ZNF438: variants seen among roughly 807,000 people sequenced by gnomAD.
ZNF438 encodes zinc finger protein 438.
ZNF438 carries 25 observed loss-of-function variants against 38.0 expected under a neutral mutation model. The ratio of observed to expected loss-of-function variants is 0.66; its 90% CI spans 0.48 to 0.92. The LOEUF (loss-of-function observed/expected upper bound fraction) is 0.92. Among genes scored for constraint, ZNF438 ranks in the 40% least tolerant of loss-of-function variants. The probability of loss-of-function intolerance (pLI) is 0.00; values close to 1 mark genes in which losing one functional copy is unlikely to be tolerated. For missense variants in ZNF438, 1,007 were observed against 999.6 expected (o/e 1.01, Z -0.10); for synonymous variants, 372 against 364.1 (o/e 1.02, Z -0.25).
intron 2 of ZNF438, among the ~76,000 whole-genome samples, chr10:30,934,049 G>C (rs1018315398): frequency 2.6e-5 from 4 of 152,020 alleles, no homozygotes; most frequent in Non-Finnish European, 5.9e-5. Context: ...GGGAGGCTGA[G>C]GCAAGAGAAT....
intron 4 of ZNF438, among the ~76,000 whole-genome samples, chr10:30,859,525 GA>G (rs951477567): frequency 3.3e-5 from 5 of 152,180 alleles, no homozygotes; most frequent in African/African-American, 1.2e-4. Flanking sequence ...ATCTTCAGTA[GA>G]AAGACTGTGT....
chr10:30,897,434 G>A (rs150084984), intron 3 of ZNF438, among the ~76,000 whole-genome samples: 1 of 152,144 alleles, frequency 6.6e-6, no homozygotes, highest in Non-Finnish European at 1.5e-5. Flanking sequence ...CTTAGTATTA[G>A]CAGCTGACAA....
chr10:30,879,568 T>G (rs767620639), intron 3 of ZNF438, among the ~76,000 whole-genome samples: 3 of 152,172 alleles, frequency 2.0e-5, no homozygotes, highest in Non-Finnish European at 2.9e-5. Context: ...ACAAGGACAT[T>G]AAGTGTGTAA....
intron 4 of ZNF438, among the ~76,000 whole-genome samples, chr10:30,859,293 G>C (rs1445104218): frequency 6.6e-6 from 1 of 152,070 alleles, no homozygotes; most frequent in African/African-American, 2.4e-5. Context: ...TTCCAGGCTG[G>C]TCTTGAACTC....
intron 1 of ZNF438, among the ~76,000 whole-genome samples, chr10:30,981,145 G>C (rs1199749511): frequency 6.6e-6 from 1 of 152,194 alleles, no homozygotes; most frequent in Admixed American, 6.5e-5. Flanking sequence ...CTTGGCATAT[G>C]ATCAACGAAG....
chr10:30,872,853 A>G (rs2037707294), intron 4 of ZNF438, among the ~76,000 whole-genome samples: 3 of 152,132 alleles, frequency 2.0e-5, no homozygotes, highest in South Asian at 4.1e-4. Context: ...GCATTAACCA[A>G]CTGTGTAGGA....
At chr10:30,957,959 C>T (rs2049048193) in intron 1 of ZNF438, among the ~76,000 whole-genome samples, 1 of 146,414 alleles carries the variant, frequency 6.8e-6, no homozygotes, top group Non-Finnish European at 1.5e-5. Context: ...CTTCCTGTGC[C>T]TGGATATTTA....
At chr10:30,853,315 C>T (rs1307915289) in intron 4 of ZNF438, among the ~76,000 whole-genome samples, 1 of 152,212 alleles carries the variant, frequency 6.6e-6, no homozygotes, top group Admixed American at 6.5e-5. Context: ...ATGACTTCCT[C>T]ATCTCAAATC....
chr10:30,996,174 A>G (rs112345432), intron 1 of ZNF438, among the ~76,000 whole-genome samples: 27 of 152,296 alleles, frequency 1.8e-4, no homozygotes, highest in African/African-American at 6.0e-4. Flanking sequence ...AAAGAAGGCA[A>G]GAAAGGAAAG....
chr10:30,949,929 A>C (rs536458287), intron 1 of ZNF438, among the ~76,000 whole-genome samples: 27 of 152,336 alleles, frequency 1.8e-4, no homozygotes, highest in Admixed American at 1.2e-3. Context: ...TCTACCCCAA[A>C]TCAACAGAAT....
At chr10:30,972,793 T>C (rs1318708120) in intron 1 of ZNF438, among the ~76,000 whole-genome samples, 1 of 152,220 alleles carries the variant, frequency 6.6e-6, no homozygotes, top group Non-Finnish European at 1.5e-5. Flanking sequence ...TGGGATTCAA[T>C]GATTATGGGA....
intron 2 of ZNF438, among the ~76,000 whole-genome samples, chr10:30,926,542 T>C (rs906175577): frequency 1.3e-5 from 2 of 151,906 alleles, no homozygotes; most frequent in Admixed American, 1.3e-4. Context: ...GGCGGGTGCC[T>C]GTAGTTCCAG....
At chr10:30,893,588 G>A (rs78903888) in intron 3 of ZNF438, among the ~76,000 whole-genome samples, 4,843 of 152,176 alleles carry the variant, frequency 0.032, 248 homozygotes, top group African/African-American at 0.11. Flanking sequence ...AAACATTACA[G>A]GTACAGTTTT....
At chr10:30,901,403 A>G (rs564562044) in intron 3 of ZNF438, among the ~76,000 whole-genome samples, 8 of 151,512 alleles carry the variant, frequency 5.3e-5, no homozygotes, top group Non-Finnish European at 8.8e-5. Flanking sequence ...CAGTTCTTAA[A>G]GGCGGCACGT....
intron 1 of ZNF438, among the ~76,000 whole-genome samples, chr10:31,029,953 A>T (rs960683189): frequency 5.3e-5 from 8 of 152,222 alleles, no homozygotes; most frequent in African/African-American, 1.9e-4. Flanking sequence ...GCCCACGTTC[A>T]AATAGTCTCT....
At chr10:30,961,343 G>A (rs1470028912) in intron 1 of ZNF438, among the ~76,000 whole-genome samples, 2 of 144,890 alleles carry the variant, frequency 1.4e-5, no homozygotes, top group African/African-American at 2.5e-5. Flanking sequence ...GGAGAACAGC[G>A]GCTATTCACA....
intron 2 of ZNF438, among the ~76,000 whole-genome samples, chr10:30,927,336 CTA>C (rs2045070553): frequency 6.6e-6 from 1 of 152,158 alleles, no homozygotes; most frequent in African/African-American, 2.4e-5. Context: ...GAAACAAAGG[CTA>C]TATAGTCTCC....
intron 3 of ZNF438, among the ~76,000 whole-genome samples, chr10:30,904,016 T>TAAAAAA (rs71527619): frequency 7.0e-6 from 1 of 142,964 alleles, no homozygotes; most frequent in African/African-American, 2.6e-5. Flanking sequence ...ATGCCACAGT[T>TAAAAAA]AAAAAAAAAA....
chr10:30,902,905 G>A (rs2042185950), intron 3 of ZNF438, among the ~76,000 whole-genome samples: 1 of 152,240 alleles, frequency 6.6e-6, no homozygotes, highest in Non-Finnish European at 1.5e-5. Context: ...GCCCATGGCA[G>A]AGCGGGGAGA....
Sources: gnomAD v4.1 joint callset for allele counts (sites outside exome capture counted in the v4.1 genomes callset) on GRCh38, gnomAD v4.1.1 for gene constraint, MANE v1.5 for transcripts, NCBI Gene and HGNC (gene_info 2026-07-23, HGNC 2026-07-21) for gene names.